Variants in EGR1 observed in about 807,000 individuals in gnomAD.
EGR1 encodes the protein early growth response protein 1.
EGR1 carries 8 observed loss-of-function variants against 30.2 expected under a neutral mutation model. The ratio of observed to expected loss-of-function variants is 0.26; its 90% confidence interval spans 0.16 to 0.48. The LOEUF (loss-of-function observed/expected upper bound fraction) is 0.48, where lower values mean the gene tolerates loss of function less well. Among genes scored for constraint, EGR1 ranks in the 20% least tolerant of loss-of-function variants. The probability of loss-of-function intolerance (pLI) is 0.99; values close to 1 mark genes in which losing one functional copy is unlikely to be tolerated. For synonymous variants in EGR1, 334 were observed against 312.8 expected, an observed-to-expected ratio of 1.07 and a Z score of -0.72; for missense variants, 568 against 732.3, an observed-to-expected ratio of 0.78 and a Z score of 2.59.
chr5:138,466,379 C>T (rs1327037452), intron 1 of EGR1, among the ~76,000 whole-genome samples: 1 of 152,254 alleles, frequency 6.6e-6, no homozygotes, highest in Non-Finnish European at 1.5e-5. Context: ...TAAGACTTGC[C>T]TTGCCTTGCT....
In EGR1 at chr5:138,465,982, G is replaced by C; in HGVS notation, c.221G>C (p.Gly74Ala). The C allele has an allele frequency of 1.2e-6, 2 of 1,610,254 alleles. No homozygotes were observed. The highest frequency in any genetic ancestry group is 1.7e-6 in the Non-Finnish European group (2 of 1,178,362). The part of the protein sequence containing the change: ...SSSSGGGGGG[G>A]GGSNSSSSSS... Reference sequence around the variant, plus strand: ...AGCAGCGGGGGCGGTGGAGGCGGCGGGGGCGGCAGCAACAGCAGCAGCAGC... The same window carrying C: ...AGCAGCGGGGGCGGTGGAGGCGGCGCGGGCGGCAGCAACAGCAGCAGCAGC... The change falls in exon 1 of 2, where the codon GGG becomes GCG. Residue 74 changes from glycine (G) to alanine (A), a missense_variant. This residue lies in a region of EGR1 where 415 missense variants were observed against 445.2 expected (regional missense o/e 0.93). Coordinates refer to ENST00000239938, the MANE Select transcript of EGR1 (RefSeq NM_001964.3).
chr5:138,465,711 C>T lies in EGR1; in HGVS notation c.-51C>T, dbSNP rs200490385. 3 of 1,503,368 alleles carry T rather than the reference C, an allele frequency of 2.0e-6. No homozygotes were observed. The highest frequency in any genetic ancestry group is 1.3e-5 in the South Asian group (1 of 75,342). The allele number at this position is 1,503,368 out of a possible 1,614,324, so 93.1% of individuals were successfully genotyped here. ...ACTGTGTCCCCTGCAGCTCCAGCCCCGGGCTGCACCCCCCCGCCCCGACAC... is the reference window on the plus strand; with the variant it reads ...ACTGTGTCCCCTGCAGCTCCAGCCCTGGGCTGCACCCCCCCGCCCCGACAC... On this transcript the variant is annotated 5_prime_UTR_variant, in exon 1 of 2. Coordinates refer to ENST00000239938, the MANE Select transcript of EGR1 (RefSeq NM_001964.3).
chr5:138,466,009 G>T lies in EGR1; in HGVS notation c.248G>T (p.Ser83Ile), dbSNP rs1342573008. 1 of 1,608,312 alleles carries T rather than the reference G, an allele frequency of 6.2e-7. No individual in the cohort carries two copies. The highest frequency in any genetic ancestry group is 1.3e-5 in the African/African-American group (1 of 74,818). ...GGGGSNSSSS[S>I]STFNPQADTG... ...GGCGGCAGCAACAGCAGCAGCAGCA[G>T]CAGCACCTTCAACCCTCAGGCGGAC... Residue 83 changes from serine (S) to isoleucine (I), a missense_variant, in exon 1 of 2, where the codon AGC becomes ATC. This residue lies in a region of EGR1 where 415 missense variants were observed against 445.2 expected (regional missense o/e 0.93). Transcript: ENST00000239938.
rs1298998444 is a variant in EGR1, at chr5:138,469,054, A to AT, written c.*980dup. ...ACAAAATCTGAACTCTCAAAAGTCT[A>AT]TTTTTTTAACTGAAAATGTAAATTT... On this transcript the variant is annotated 3_prime_UTR_variant, in exon 2 of 2. Coordinates refer to ENST00000239938, the MANE Select transcript of EGR1 (RefSeq NM_001964.3). 6 of 152,518 alleles carry AT rather than the reference A, an allele frequency of 3.9e-5. No individual in the cohort carries two copies. Among genetic ancestry groups the AT allele is most frequent in the Non-Finnish European group, 8.8e-5 (6 of 68,018 alleles). The allele number at this position is 152,518 out of a possible 1,614,324, so 9.4% of individuals were successfully genotyped here.
Position 138,465,555 on chromosome 5 carries a change from C to A in EGR1, c.-207C>A. The A allele has an allele frequency of 2.7e-6, 1 of 375,188 alleles. No individual in the cohort carries two copies. The highest frequency in any genetic ancestry group is 4.5e-6 in the Non-Finnish European group (1 of 222,760). The allele number at this position is 375,188 out of a possible 1,614,324, so 23.2% of individuals were successfully genotyped here. A position where few individuals can be genotyped will look rare whatever the true frequency, so the allele number is the denominator to read the frequency against. On this transcript the variant is annotated 5_prime_UTR_variant, in exon 1 of 2. Coordinates refer to ENST00000239938, the MANE Select transcript of EGR1 (RefSeq NM_001964.3). The stretch of plus-strand genomic sequence containing the variant: ...GCAGCCAGCTTCCGCCGCCGCAGGA[C>A]CGGCCCCTGCCCCAGCCTCCGCAGC...
chr5:138,466,716 T>C (rs1336784864), intron 1 of EGR1, 41 bp from the exon 2 acceptor site: 7 of 1,573,234 alleles, frequency 4.4e-6, no homozygotes, highest in Non-Finnish European at 6.1e-6. Context: ...CAGTGATTGC[T>C]TTCCAGTAAC....
rs199646874 is a variant in EGR1 at position 138,467,255 on chromosome 5, C to G, written c.806C>G (p.Pro269Arg). Residue 269 changes from proline to arginine, a missense_variant, in exon 2 of 2, where the codon CCA becomes CGA. By Grantham distance (103) the Pro-to-Arg change is moderately radical (BLOSUM62 -2). Transcript: ENST00000239938. The surrounding 1 kb of genome is among the most constrained non-coding windows in gnomAD (Gnocchi z 8.3). ...QQQGDLGLGT[P>R]DQKPFQGLES... is the part of the protein sequence containing the mutation. The stretch of plus-strand genomic sequence containing the variant: ...CAGGGGGATCTGGGCCTGGGCACCC[C>G]AGACCAGAAGCCCTTCCAGGGCCTG... 1.9e-6 allele frequency: 3 copies of G among 1,613,956 alleles called. No individual in the cohort carries two copies. The highest frequency in any genetic ancestry group is 2.5e-6 in the Non-Finnish European group (3 of 1,180,012).
Position 138,466,957 on chromosome 5 carries a change from T to G in EGR1, c.508T>G (p.Ser170Ala), listed in dbSNP as rs973407190. 9 of 1,613,924 alleles carry G rather than the reference T, an allele frequency of 5.6e-6. No homozygotes were observed. Among genetic ancestry groups the G allele is most frequent in the Non-Finnish European group, 7.6e-6 (9 of 1,179,998 alleles). ...GLVSMTNPPA[S>A]SSSAPSPAAS... ...AGTGAGCATGACCAACCCACCGGCC[T>G]CCTCGTCCTCAGCACCATCTCCAGC... Residue 170 changes from serine to alanine, a missense_variant, in exon 2 of 2, where the codon TCC becomes GCC. Around this residue, in one of 4 missense-constraint regions of EGR1, gnomAD observed 415 missense variants for 445.2 expected, o/e 0.93. Transcript: ENST00000239938.
chr5:138,466,747 C>A lies in EGR1; in HGVS notation c.308-10C>A. The A allele has an allele frequency of 6.2e-7, 1 of 1,602,382 alleles. No homozygotes were observed. The highest frequency in any genetic ancestry group is 8.5e-7 in the Non-Finnish European group (1 of 1,171,168). On this transcript the variant is annotated splice_polypyrimidine_tract_variant and intron_variant, in intron 1 of 1. Coordinates refer to ENST00000239938, the MANE Select transcript of EGR1 (RefSeq NM_001964.3). ...GTAACCAGGCCTCCCGCTTCTCTCTCTCCTGCCAGAGTCTTTTCCTGACAT... is the reference window on the plus strand; with the variant it reads ...GTAACCAGGCCTCCCGCTTCTCTCTATCCTGCCAGAGTCTTTTCCTGACAT...
chr5:138,466,187 C>T (rs1435589301), intron 1 of EGR1, 119 bp downstream of exon 1: 5 of 1,410,832 alleles, frequency 3.5e-6, no homozygotes, highest in African/African-American at 1.4e-5. Context: ...TCATTCCTCG[C>T]ATCCCCAGAG....
In EGR1 at chr5:138,467,867, CCTT is replaced by C; in HGVS notation, c.1421_1423del (p.Phe474del). 1 of 1,613,998 alleles carries C rather than the reference CCTT, an allele frequency of 6.2e-7. No individual in the cohort carries two copies. ...TCATACCCATCCCCTGTGCCCACCT[CCTT>C]CTCCTCTCCCGGCTCCTCGACCTAC... On this transcript the variant is annotated inframe_deletion, in exon 2 of 2. Transcript: ENST00000239938. This position sits in a 1 kb window ranked among gnomAD's most constrained non-coding sequence, Gnocchi z 8.3.
chr5:138,468,120 A>G lies in EGR1; in HGVS notation c.*39A>G. 6.5e-7 allele frequency: 1 copy of G among 1,538,166 alleles called. No individual in the cohort carries two copies. Among genetic ancestry groups the G allele is most frequent in the Non-Finnish European group, 8.7e-7 (1 of 1,143,724 alleles). On this transcript the variant is annotated 3_prime_UTR_variant, in exon 2 of 2. Coordinates refer to ENST00000239938, the MANE Select transcript of EGR1 (RefSeq NM_001964.3). ...AGAAAGGGAAAAGGGAGAAAAAGAA[A>G]CACAAGAGACTTAAAGGACAGGAGG...
Position 138,466,837 on chromosome 5 carries a change from C to G in EGR1, c.388C>G (p.Pro130Ala). ...SYPSQTTRLP[P>A]ITYTGRFSLE... ...CCCCAGCCAAACCACTCGACTGCCC[C>G]CCATCACCTATACTGGCCGCTTTTC... Residue 130 changes from proline to alanine, a missense_variant, in exon 2 of 2, where the codon CCC becomes GCC. By Grantham distance (27) the Pro-to-Ala change is conservative (BLOSUM62 -1). Around this residue, in one of 4 missense-constraint regions of EGR1, gnomAD observed 415 missense variants for 445.2 expected, o/e 0.93. Transcript: ENST00000239938. The G allele has an allele frequency of 6.2e-7, 1 of 1,614,106 alleles. No individual in the cohort carries two copies. The highest frequency in any genetic ancestry group is 8.5e-7 in the Non-Finnish European group (1 of 1,180,026).
At position 138,467,703 on chromosome 5, in the gene EGR1, C is replaced by T; in HGVS notation, c.1254C>T (p.His418=). The T allele has an allele frequency of 6.2e-7, 1 of 1,614,256 alleles. No homozygotes were observed. The highest frequency in any genetic ancestry group is 8.5e-7 in the Non-Finnish European group (1 of 1,180,052). The change falls in exon 2 of 2, where the codon CAC becomes CAT. Residue 418 remains histidine, a synonymous_variant. Transcript: ENST00000239938. The surrounding 1 kb of genome is among the most constrained non-coding windows in gnomAD (Gnocchi z 8.3). ...AACGCAAGAGGCATACCAAGATCCA[C>T]TTGCGGCAGAAGGACAAGAAAGCAG... ...SDERKRHTKI[H]LRQKDKKADK...
In EGR1 at chr5:138,465,893, G is replaced by A; in HGVS notation, c.132G>A (p.Gly44=). ...KLEEMMLLSN[G]APQFLGAAGA... ...AGGAGATGATGCTGCTGAGCAACGG[G>A]GCTCCCCAGTTCCTCGGCGCCGCCG... Residue 44 remains glycine, a synonymous_variant, in exon 1 of 2, where the codon GGG becomes GGA. Transcript: ENST00000239938. The A allele has an allele frequency of 1.2e-6, 2 of 1,613,956 alleles. No homozygotes were observed. The highest frequency in any genetic ancestry group is 1.7e-6 in the Non-Finnish European group (2 of 1,179,870).
rs748400232 is a variant in EGR1 at position 138,468,038 on chromosome 5, A to T, written c.1589A>T (p.Asp530Val). The change falls in exon 2 of 2, where the codon GAC becomes GTC. Residue 530 changes from aspartate (D) to valine (V), a missense_variant. Asp to Val is a radical substitution (Grantham distance 152). Coordinates refer to ENST00000239938, the MANE Select transcript of EGR1 (RefSeq NM_001964.3). Reference protein sequence around the residue: ...NSFSASTGLSDMTATFSPRTI... With the variant: ...NSFSASTGLSVMTATFSPRTI... ...TTCAGCGCCTCCACAGGGCTTTCGG[A>T]CATGACAGCAACCTTTTCTCCCAGG... The T allele has an allele frequency of 2.5e-6, 4 of 1,597,672 alleles. No homozygotes were observed. Among genetic ancestry groups the T allele is most frequent in the Non-Finnish European group, 3.4e-6 (4 of 1,172,212 alleles).
rs1393918780 is a variant in EGR1 at position 138,466,770 on chromosome 5, C to T, written c.321C>T (p.Asp107=). 2.5e-6 allele frequency: 4 copies of T among 1,610,836 alleles called. No individual in the cohort carries two copies. Among genetic ancestry groups the T allele is most frequent in the African/African-American group, 1.3e-5 (1 of 74,848 alleles). The change falls in exon 2 of 2, where the codon GAC becomes GAT. Residue 107 remains aspartate, a synonymous_variant. Coordinates refer to ENST00000239938, the MANE Select transcript of EGR1 (RefSeq NM_001964.3). The part of the protein sequence containing the change: ...YEHLTAESFP[D]ISLNNEKVLV... ...CTCTCCTGCCAGAGTCTTTTCCTGA[C>T]ATCTCTCTGAACAACGAGAAGGTGC...
At position 138,467,488 on chromosome 5, in the gene EGR1, C is replaced by G; in HGVS notation, c.1039C>G (p.Arg347Gly). 6.2e-7 allele frequency: 1 copy of G among 1,613,090 alleles called. No homozygotes were observed. Among genetic ancestry groups the G allele is most frequent in the East Asian group, 2.2e-5 (1 of 44,858 alleles). The change falls in exon 2 of 2, where the codon CGC (arginine) becomes GGC (glycine). Residue 347 changes from arginine to glycine, a missense_variant. Coordinates refer to ENST00000239938, the MANE Select transcript of EGR1 (RefSeq NM_001964.3). This position sits in a 1 kb window ranked among gnomAD's most constrained non-coding sequence, Gnocchi z 8.3. ...PYACPVESCDRRFSRSDELTR... is the reference protein window; with the variant it reads ...PYACPVESCDGRFSRSDELTR... ...CGCTTGCCCAGTGGAGTCCTGTGAT[C>G]GCCGCTTCTCCCGCTCCGACGAGCT... is the stretch of plus-strand genomic sequence containing the variant.
Position 138,465,717 on chromosome 5 carries a change from G to GCACCCCCCCCCCCC in EGR1, c.-36_-35insCCCCCCACCCCCCC. On this transcript the variant is annotated 5_prime_UTR_variant, in exon 1 of 2. Coordinates refer to ENST00000239938, the MANE Select transcript of EGR1 (RefSeq NM_001964.3). ...TCCCCTGCAGCTCCAGCCCCGGGCT[G>GCACCCCCCCCCCCC]CACCCCCCCGCCCCGACACCAGCTC... The GCACCCCCCCCCCCC allele has an allele frequency of 6.6e-7, 1 of 1,512,894 alleles. No homozygotes were observed. The highest frequency in any genetic ancestry group is 8.9e-7 in the Non-Finnish European group (1 of 1,129,438). The allele number at this position is 1,512,894 out of a possible 1,614,324, so 93.7% of individuals were successfully genotyped here. A position where few individuals can be genotyped will look rare whatever the true frequency, so the allele number is the denominator to read the frequency against.
Sources: allele counts gnomAD v4.1 joint callset (sites outside exome capture counted in the v4.1 genomes callset), GRCh38; gene constraint gnomAD v4.1.1; regional missense constraint gnomAD v4.1.1; non-coding constraint Gnocchi (gnomAD v3.1); transcripts MANE v1.5; gene names NCBI Gene and HGNC (gene_info 2026-07-23, HGNC 2026-07-21).